RTN1: variants seen among roughly 807,000 people sequenced by gnomAD.
RTN1 encodes reticulon 1, also known as reticulon-1.
A neutral mutation model predicts 65.5 loss-of-function variants in RTN1; 25 were observed. That is an observed-to-expected ratio of 0.38 (90% confidence interval 0.28 to 0.53). The LOEUF (loss-of-function observed/expected upper bound fraction) is 0.53, where lower values mean the gene tolerates loss of function less well. Among genes scored for constraint, RTN1 ranks in the 20% least tolerant of loss-of-function variants. RTN1 has a pLI of 0.79. For missense variants in RTN1, 983 were observed against 1,025.4 expected, an observed-to-expected ratio of 0.96 and a Z score of 0.57; for synonymous variants, 471 against 447.6, an observed-to-expected ratio of 1.05 and a Z score of -0.66.
At chr14:59,787,197 A>G (rs1036639603) in intron 1 of RTN1, among the ~76,000 whole-genome samples, 5 of 152,020 alleles carry the variant, frequency 3.3e-5, no homozygotes, top group Admixed American at 2.0e-4. Context: ...GCCCTCTGTG[A>G]CTCACTGTGG....
At chr14:59,615,994 T>C (rs1235988992) in intron 3 of RTN1, among the ~76,000 whole-genome samples, 2 of 152,140 alleles carry the variant, frequency 1.3e-5, no homozygotes, top group Non-Finnish European at 2.9e-5. Flanking sequence ...TTTTAAACCT[T>C]TGATATTTAA....
intron 2 of RTN1, among the ~76,000 whole-genome samples, chr14:59,741,572 G>A (rs1334867953): frequency 6.6e-6 from 1 of 152,154 alleles, no homozygotes; most frequent in East Asian, 1.9e-4. Flanking sequence ...ACACATATTT[G>A]TTAAATAAAT....
chr14:59,806,370 C>T (rs1886637832), intron 1 of RTN1, among the ~76,000 whole-genome samples: 1 of 151,838 alleles, frequency 6.6e-6, no homozygotes. Context: ...AGAAATATCA[C>T]TGGTTTATTT....
At chr14:59,635,545 G>A (rs1882646354) in intron 3 of RTN1, among the ~76,000 whole-genome samples, 1 of 152,160 alleles carries the variant, frequency 6.6e-6, no homozygotes, top group South Asian at 2.1e-4. Context: ...AGTGGGAAGA[G>A]TAAAAGCATT....
chr14:59,824,981 C>A (rs898999190), intron 1 of RTN1, among the ~76,000 whole-genome samples: 1 of 152,098 alleles, frequency 6.6e-6, no homozygotes, highest in African/African-American at 2.4e-5. Context: ...TTGTCAGGGG[C>A]TGGGGGAGCG....
intron 3 of RTN1, among the ~76,000 whole-genome samples, chr14:59,652,954 T>C (rs1238060278): frequency 3.3e-5 from 5 of 151,646 alleles, no homozygotes; most frequent in Non-Finnish European, 7.4e-5. Context: ...TTAATGTAGG[T>C]ATAATAGGAG....
At position 59,758,588 on chromosome 14, in the gene RTN1, G is replaced by T. The variant is rs1455198417; in HGVS notation, c.242-12107C>A. Among the ~76,000 whole-genome samples the T allele has an allele frequency of 2.0e-5, 3 of 152,174 alleles. No homozygotes were observed. In the East Asian group the frequency reaches 5.8e-4, roughly 29 times the overall value. Reference sequence around the variant, plus strand: ...GGTGAAGTCTGGCCTCCTCTAGGAAGTTTCTTCCTGTTACCCCACTCCTCA... The same window carrying T: ...GGTGAAGTCTGGCCTCCTCTAGGAATTTTCTTCCTGTTACCCCACTCCTCA... On this transcript the variant is annotated intron_variant, in intron 1 of 8. Transcript: ENST00000267484.
chr14:59,641,777 T>C (rs529016030), intron 3 of RTN1, among the ~76,000 whole-genome samples: 4 of 152,344 alleles, frequency 2.6e-5, no homozygotes, highest in African/African-American at 9.6e-5. Flanking sequence ...ACAATACAAG[T>C]TTCTTACAAC....
rs1262950655 is a variant in RTN1, at chr14:59,870,679, TCGG to T, written c.-52_-50del. On this transcript the variant is annotated 5_prime_UTR_variant, in exon 1 of 9. Transcript: ENST00000267484. This position sits in a 1 kb window ranked among gnomAD's most constrained non-coding sequence, Gnocchi z 5.1. ...GACGGCGGCTTGGCTGGGCAGAGGC[TCGG>T]TGGCTGCGCGGGCGCTCCCTGCTGC... 7.6e-7 allele frequency: 1 copy of T among 1,315,344 alleles called. No homozygotes were observed. Among genetic ancestry groups the T allele is most frequent in the African/African-American group, 1.6e-5 (1 of 64,338 alleles). The allele number at this position is 1,315,344 out of a possible 1,614,324, so 81.5% of individuals were successfully genotyped here.
chr14:59,713,074 G>A (rs35024836), intron 3 of RTN1, among the ~76,000 whole-genome samples: 31,063 of 152,016 alleles, frequency 0.2, 3,865 homozygotes, highest in Admixed American at 0.39. Flanking sequence ...AGTGATGTAG[G>A]TACTATTATC....
At chr14:59,722,853 A>C (rs1369037035) in intron 3 of RTN1, among the ~76,000 whole-genome samples, 1 of 149,826 alleles carries the variant, frequency 6.7e-6, no homozygotes, top group Non-Finnish European at 1.5e-5. Context: ...GCTGGAGTGC[A>C]GTGGTGTGAT....
At chr14:59,808,010 T>C (rs74385362) in intron 1 of RTN1, among the ~76,000 whole-genome samples, 1,841 of 152,298 alleles carry the variant, frequency 0.012, 34 homozygotes, top group African/African-American at 0.041. Flanking sequence ...ATGTTTGCAA[T>C]TGTGCTTCTT....
intron 3 of RTN1, among the ~76,000 whole-genome samples, chr14:59,680,186 G>A (rs952608773): frequency 1.3e-5 from 2 of 151,998 alleles, no homozygotes; most frequent in African/African-American, 2.4e-5. Flanking sequence ...CTTTGCTCTG[G>A]GGAAAAAATG....
At chr14:59,693,997 GT>G (rs1196311402) in intron 3 of RTN1, among the ~76,000 whole-genome samples, 5 of 152,180 alleles carry the variant, frequency 3.3e-5, no homozygotes, top group Admixed American at 2.0e-4. Context: ...ACCAGGCTGA[GT>G]TTTTTAGTTC....
chr14:59,613,236 C>T (rs1956371), intron 3 of RTN1, among the ~76,000 whole-genome samples: 30,027 of 152,130 alleles, frequency 0.2, 4,008 homozygotes, highest in African/African-American at 0.38. Context: ...AGGATTTCTT[C>T]TTTAAAGAGC....
At chr14:59,598,797 A>G (rs188893443) in intron 8 of RTN1, among the ~76,000 whole-genome samples, 1 of 152,244 alleles carries the variant, frequency 6.6e-6, no homozygotes, top group Admixed American at 6.5e-5. Flanking sequence ...GCAATGTTAG[A>G]CCTCCAAGTA....
rs753843821 is a variant in RTN1 at position 59,726,930 on chromosome 14, T to C, written c.1754A>G (p.Asn585Ser). The change falls in exon 3 of 9, where the codon AAT (asparagine) becomes AGT (serine). Residue 585 changes from asparagine (N) to serine (S), a missense_variant. By Grantham distance (46) the Asn-to-Ser change is conservative. Coordinates refer to ENST00000267484, the MANE Select transcript of RTN1 (RefSeq NM_021136.3). ...TTGGGATCCTTTACCTTTTTGCTTA[T>C]TGAGAAACAGCAGTGGGGGCGGGGC... ...PGAPPPLLFL[N>S]KQKAIDLLYW... The C allele has an allele frequency of 9.9e-6, 16 of 1,611,896 alleles. No individual in the cohort carries two copies. The highest frequency in any genetic ancestry group is 3.3e-5 in the South Asian group (3 of 90,702).
intron 3 of RTN1, among the ~76,000 whole-genome samples, chr14:59,644,139 A>C (rs1187596331): frequency 6.6e-6 from 1 of 152,246 alleles, no homozygotes; most frequent in Non-Finnish European, 1.5e-5. Flanking sequence ...AAAGATGGGC[A>C]ACTAGAAGCA....
chr14:59,805,396 A>G (rs1886618653), intron 1 of RTN1, among the ~76,000 whole-genome samples: 1 of 152,164 alleles, frequency 6.6e-6, no homozygotes, highest in African/African-American at 2.4e-5. Flanking sequence ...TAACAGGGGA[A>G]GAGAGAGTTG....
Sources: allele counts gnomAD v4.1 joint callset (sites outside exome capture counted in the v4.1 genomes callset), GRCh38; gene constraint gnomAD v4.1.1; non-coding constraint Gnocchi (gnomAD v3.1); transcripts MANE v1.5; gene names NCBI Gene and HGNC (gene_info 2026-07-23, HGNC 2026-07-21).